The following DCLK1 variants were observed in gnomAD, a reference collection of about 807,000 sequenced individuals.
The protein encoded by DCLK1 is doublecortin like kinase 1.
Under a neutral mutation model 86.2 loss-of-function variants are expected in DCLK1, and 16 were observed. The observed-to-expected ratio is 0.19, with a 90% CI of 0.13 to 0.28. DCLK1 has a LOEUF of 0.28. Ranked by LOEUF, DCLK1 falls within the 10% of genes least tolerant of loss-of-function variation. The probability of loss-of-function intolerance (pLI) is 1.00; values close to 1 mark genes in which losing one functional copy is unlikely to be tolerated. For missense variants in DCLK1, 590 were observed against 940.2 expected (o/e 0.63, Z 4.87); for synonymous variants, 369 against 370.5 (o/e 1.00, Z 0.05).
intron 3 of DCLK1, among the ~76,000 whole-genome samples, chr13:36,067,859 A>G (rs1176486579): frequency 6.6e-6 from 1 of 152,166 alleles, no homozygotes; most frequent in Non-Finnish European, 1.5e-5. Flanking sequence ...GCTAAATGAG[A>G]AGAGTCTGCT....
At chr13:36,027,934 G>A (rs1882111138) in intron 3 of DCLK1, among the ~76,000 whole-genome samples, 1 of 152,032 alleles carries the variant, frequency 6.6e-6, no homozygotes, top group Admixed American at 6.6e-5. Flanking sequence ...GTTTCCTGTT[G>A]CCCAGGCTGG....
chr13:35,894,264 C>T (rs1266633261), intron 4 of DCLK1, among the ~76,000 whole-genome samples: 5 of 152,162 alleles, frequency 3.3e-5, no homozygotes, highest in African/African-American at 1.2e-4. Context: ...AAGAGCTAAG[C>T]GCAAATGCAG....
chr13:36,128,143 G>C (rs1437841854), intron 1 of DCLK1, among the ~76,000 whole-genome samples: 1 of 152,126 alleles, frequency 6.6e-6, no homozygotes, highest in Non-Finnish European at 1.5e-5. Flanking sequence ...ACACCTGAAA[G>C]CATGACTAGA....
At chr13:35,862,506 C>T (rs1871476956) in intron 5 of DCLK1, among the ~76,000 whole-genome samples, 1 of 152,176 alleles carries the variant, frequency 6.6e-6, no homozygotes, top group Admixed American at 6.5e-5. Context: ...ATTTTTTCCA[C>T]CGCCATGCCA....
intron 11 of DCLK1, among the ~76,000 whole-genome samples, chr13:35,817,587 C>T (rs2087299912): frequency 1.3e-5 from 2 of 152,120 alleles, no homozygotes; most frequent in Admixed American, 6.5e-5. Context: ...AGAAAGTTAT[C>T]CCGTCCTCCA....
intron 3 of DCLK1, among the ~76,000 whole-genome samples, chr13:35,947,660 G>A (rs1378145609): frequency 6.6e-6 from 1 of 152,158 alleles, no homozygotes; most frequent in Non-Finnish European, 1.5e-5. Context: ...CAGGAAAACA[G>A]GATAAGGAAA....
At chr13:35,931,363 C>T (rs190887131) in intron 4 of DCLK1, among the ~76,000 whole-genome samples, 7 of 152,258 alleles carry the variant, frequency 4.6e-5, no homozygotes, top group Admixed American at 3.9e-4. Flanking sequence ...TAAAGCACTA[C>T]AAGGAGGTTC....
At chr13:35,885,596 T>C (rs73520460) in intron 4 of DCLK1, among the ~76,000 whole-genome samples, 5,464 of 152,216 alleles carry the variant, frequency 0.036, 371 homozygotes, top group African/African-American at 0.12. Context: ...TTTCAAGAAA[T>C]AAGCACAATC....
At chr13:36,017,553 T>C (rs757423647) in intron 3 of DCLK1, among the ~76,000 whole-genome samples, 1 of 152,204 alleles carries the variant, frequency 6.6e-6, no homozygotes, top group Non-Finnish European at 1.5e-5. Flanking sequence ...GATCCAAACA[T>C]GACTTCAGAA....
At position 36,112,063 on chromosome 13, in the gene DCLK1, G is replaced by A. The variant is rs754197263; in HGVS notation, c.529C>T (p.Arg177Ter). Residue 177 changes from arginine to a stop codon, truncating the protein, a stop_gained, in exon 3 of 17, where the codon CGA becomes TGA. Coordinates refer to ENST00000360631, the MANE Select transcript of DCLK1 (RefSeq NM_001330071.2). LOFTEE classifies it high-confidence loss of function. ...GGCCGAATGAAATCCTTATTCTCTCGCACCTCTGAAGGGCTTCCTTTGGCA... is the reference window on the plus strand; with the variant it reads ...GGCCGAATGAAATCCTTATTCTCTCACACCTCTGAAGGGCTTCCTTTGGCA... ...ATAKGSPSEV[R>*]ENKDFIRPKL... 1.9e-6 allele frequency: 3 copies of A among 1,614,118 alleles called. No homozygotes were observed. The highest frequency in any genetic ancestry group is 2.5e-6 in the Non-Finnish European group (3 of 1,180,018).
chr13:35,927,527 C>T (rs1040074688), intron 4 of DCLK1, among the ~76,000 whole-genome samples: 2 of 152,202 alleles, frequency 1.3e-5, no homozygotes, highest in African/African-American at 4.8e-5. Flanking sequence ...AAGTGTTCAG[C>T]ATTATTCTCA....
chr13:35,868,952 G>A, intron 5 of DCLK1: 5 of 357,738 alleles, frequency 1.4e-5, no homozygotes, highest in East Asian at 1.5e-4. Context: ...CACCATGCCT[G>A]GCTAATTTTT....
chr13:35,998,721 T>C (rs1880583358), intron 3 of DCLK1, among the ~76,000 whole-genome samples: 2 of 152,190 alleles, frequency 1.3e-5, no homozygotes, highest in Non-Finnish European at 1.5e-5. Flanking sequence ...TGATTATGCT[T>C]TTCAAAAAAG....
intron 3 of DCLK1, among the ~76,000 whole-genome samples, chr13:36,075,580 G>A (rs1273700349): frequency 1.3e-5 from 2 of 152,186 alleles, no homozygotes. Context: ...TCTTAAGATA[G>A]ATCATTACTT....
At chr13:36,027,629 A>G (rs1358447302) in intron 3 of DCLK1, among the ~76,000 whole-genome samples, 1 of 152,202 alleles carries the variant, frequency 6.6e-6, no homozygotes, top group African/African-American at 2.4e-5. Flanking sequence ...TACAGAAGAG[A>G]TGAGTTAAGT....
At chr13:36,040,557 C>T (rs996462867) in intron 3 of DCLK1, among the ~76,000 whole-genome samples, 2 of 151,508 alleles carry the variant, frequency 1.3e-5, no homozygotes, top group African/African-American at 2.4e-5. Context: ...ACTCTATTCA[C>T]CTGGCTGAGT....
intron 3 of DCLK1, among the ~76,000 whole-genome samples, chr13:36,003,456 C>A (rs1880812547): frequency 6.6e-6 from 1 of 152,082 alleles, no homozygotes; most frequent in Admixed American, 6.6e-5. Flanking sequence ...TAACCAGAAC[C>A]ATAATAGCCT....
chr13:35,803,868 C>G (rs1926461), intron 15 of DCLK1, among the ~76,000 whole-genome samples: 94,648 of 152,086 alleles, frequency 0.62, 31,879 homozygotes, highest in African/African-American at 0.88. Flanking sequence ...TTTTATGATT[C>G]TCCACCTCTA....
intron 3 of DCLK1, among the ~76,000 whole-genome samples, chr13:36,006,992 C>T (rs1260232945): frequency 6.6e-6 from 1 of 152,110 alleles, no homozygotes; most frequent in African/African-American, 2.4e-5. Context: ...TTTCAAGTTC[C>T]ATAAAGATTT....
Sources: gnomAD v4.1 joint callset for allele counts (sites outside exome capture counted in the v4.1 genomes callset) on GRCh38, gnomAD v4.1.1 for gene constraint, MANE v1.5 for transcripts, NCBI Gene and HGNC (gene_info 2026-07-23, HGNC 2026-07-21) for gene names.